ANK2: variants seen among roughly 807,000 people sequenced by gnomAD.
ANK2 encodes ankyrin 2.
Under a neutral mutation model 360.5 loss-of-function variants are expected in ANK2, and 83 were observed. That is an observed-to-expected ratio of 0.23 (90% CI 0.19 to 0.28). The LOEUF is 0.28. Among genes scored for constraint, ANK2 ranks in the 10% least tolerant of loss-of-function variants. The pLI is 1.00. For missense variants in ANK2, 4,201 were observed against 4,795.7 expected (o/e 0.88, Z 3.66); for synonymous variants, 1,740 against 1,759.5 (o/e 0.99, Z 0.28).
At chr4:113,113,325 G>A (rs1009860248) in intron 1 of ANK2, among the ~76,000 whole-genome samples, 28 of 152,148 alleles carry the variant, frequency 1.8e-4, no homozygotes, top group African/African-American at 6.5e-4. Context: ...CTCCTGGGCA[G>A]GGCTAGGGAA....
At position 113,278,379 on chromosome 4, in the gene ANK2, A is replaced by G. The variant is rs566482218; in HGVS notation, c.1783-81A>G. The stretch of plus-strand genomic sequence containing the variant: ...ATTCATTAACATGAATTTAATCAAT[A>G]TCAGTTTCCAGGCATCCTGGTAGCT... On this transcript the variant is annotated intron_variant, in intron 16 of 45. Coordinates refer to ENST00000357077, the MANE Select transcript of ANK2 (RefSeq NM_001148.6). The G allele has an allele frequency of 7.1e-6, 8 of 1,129,634 alleles. No individual in the cohort carries two copies. In the Admixed American group the frequency reaches 1.4e-4, roughly 19 times the overall value. The allele number at this position is 1,129,634 out of a possible 1,614,324, so 70.0% of individuals were successfully genotyped here. A position where few individuals can be genotyped will look rare whatever the true frequency, so the allele number is the denominator to read the frequency against.
chr4:112,748,041 A>G, the ANK2 span, among the ~76,000 whole-genome samples: 1 of 152,174 alleles, frequency 6.6e-6, no homozygotes, highest in Admixed American at 6.5e-5. Context: ...ATGTAGTAAA[A>G]GCTGTTTTCA....
intron 1 of ANK2, among the ~76,000 whole-genome samples, chr4:113,149,874 CAAAAAAAAAAAAAAAA>C (rs34667216): frequency 3.2e-5 from 1 of 31,402 alleles, no homozygotes; most frequent in Non-Finnish European, 5.3e-5. Flanking sequence ...GACCCTGCCT[CAAAAAAAAAAAAAAAA>C]AAAAAAAAAA....
chr4:112,996,519 G>A (rs2048568841), intron 2 of ANK2, among the ~76,000 whole-genome samples: 1 of 151,888 alleles, frequency 6.6e-6, no homozygotes, highest in Non-Finnish European at 1.5e-5. Context: ...ACCTTTTATT[G>A]TACCATTCAC....
chr4:113,336,037 C>A lies in ANK2; in HGVS notation c.3571C>A (p.Arg1191=), dbSNP rs771751897. The A allele has an allele frequency of 6.2e-7, 1 of 1,613,972 alleles. No individual in the cohort carries two copies. Among genetic ancestry groups the A allele is most frequent in the South Asian group, 1.1e-5 (1 of 91,076 alleles). ...CTTCCCAGAGGGGGCACTCACCAAGCGGATCCGCGTAGGCCTGCAGGTATG... is the reference window on the plus strand; with the variant it reads ...CTTCCCAGAGGGGGCACTCACCAAGAGGATCCGCGTAGGCCTGCAGGTATG... ...AVFPEGALTK[R]IRVGLQAQPM... Residue 1191 remains arginine (R), a synonymous_variant, in exon 30 of 46, where the codon CGG becomes AGG. Coordinates refer to ENST00000357077, the MANE Select transcript of ANK2 (RefSeq NM_001148.6).
the ANK2 span, among the ~76,000 whole-genome samples, chr4:112,734,573 T>C: frequency 1.3e-5 from 2 of 152,302 alleles, no homozygotes; most frequent in South Asian, 2.1e-4. Flanking sequence ...GGAATCCCCA[T>C]GTTGGTGAGA....
intron 1 of ANK2, among the ~76,000 whole-genome samples, chr4:112,838,810 C>T (rs546299873): frequency 2.6e-4 from 40 of 152,204 alleles, no homozygotes; most frequent in South Asian, 1.0e-3. Context: ...CAGAGGTTGC[C>T]GTGAGTCGAG....
intron 4 of ANK2, among the ~76,000 whole-genome samples, chr4:113,202,266 T>C (rs968475011): frequency 6.6e-6 from 1 of 152,190 alleles, no homozygotes. Context: ...TGAGGGCTGA[T>C]TTGAGTTCCT....
chr4:113,327,197 GTCTT>G (rs938056271), intron 26 of ANK2, among the ~76,000 whole-genome samples: 45 of 151,976 alleles, frequency 3.0e-4, no homozygotes, highest in African/African-American at 1.1e-3. Flanking sequence ...CCCATCTTTG[GTCTT>G]TCTTCATATA....
Position 113,335,943 on chromosome 4 carries a change from G to T in ANK2, c.3477G>T (p.Gln1159His), listed in dbSNP as rs2153958404. The T allele has an allele frequency of 6.2e-7, 1 of 1,614,134 alleles. No homozygotes were observed. ...TTGCAGTGGTGTCTCGTATCAAACA[G>T]GACAGCAATCTGATTGGCCCAGAAG... is the stretch of plus-strand genomic sequence containing the variant. ...QYFAVVSRIK[Q>H]DSNLIGPEGG... The change falls in exon 30 of 46, where the codon CAG (glutamine) becomes CAT (histidine). Residue 1159 changes from glutamine to histidine, a missense_variant. This residue lies in a region of ANK2 where 1,268 missense variants were observed against 1,650.8 expected (regional missense o/e 0.77). Transcript: ENST00000357077.
In ANK2 at chr4:113,365,244, G is replaced by A. The variant is rs937893101; in HGVS notation, c.11032+62G>A. 27 of 1,558,938 alleles carry A rather than the reference G, an allele frequency of 1.7e-5. No individual in the cohort carries two copies. In the African/African-American group the frequency reaches 2.5e-4, roughly 14 times the overall value. ...GTGTGTGTGTGTGTTGTGTCTGTGT[G>A]TGGTTAATTGAGGCACTGGACCTAC... On this transcript the variant is annotated intron_variant, in intron 41 of 45. Transcript: ENST00000357077.
At chr4:113,117,699 T>C (rs1204085979) in intron 1 of ANK2, among the ~76,000 whole-genome samples, 1 of 152,186 alleles carries the variant, frequency 6.6e-6, no homozygotes, top group Non-Finnish European at 1.5e-5. Context: ...AGCTAGGTGC[T>C]TTATCTCTTC....
chr4:113,146,898 G>A (rs1395768722), intron 1 of ANK2, among the ~76,000 whole-genome samples: 2 of 152,008 alleles, frequency 1.3e-5, no homozygotes, highest in East Asian at 3.9e-4. Flanking sequence ...TACTTGTTAT[G>A]TACTTGCCTG....
At chr4:112,914,142 CCTGT>C (rs2088826524) in intron 2 of ANK2, among the ~76,000 whole-genome samples, 1 of 152,156 alleles carries the variant, frequency 6.6e-6, no homozygotes, top group African/African-American at 2.4e-5. Flanking sequence ...TTCAAATCCA[CCTGT>C]CTGACTCCAA....
At chr4:113,314,855 C>A (rs904820666) in intron 24 of ANK2, among the ~76,000 whole-genome samples, 9 of 152,078 alleles carry the variant, frequency 5.9e-5, no homozygotes, top group African/African-American at 2.2e-4. Context: ...GATTAAACAA[C>A]CAATTAGTAT....
the ANK2 span, among the ~76,000 whole-genome samples, chr4:112,787,452 A>G: frequency 6.6e-6 from 1 of 152,204 alleles, no homozygotes; most frequent in East Asian, 1.9e-4. Flanking sequence ...TATTATAAAT[A>G]CCCAGGACCC....
At chr4:113,352,489 G>A (rs2095474225) in intron 37 of ANK2, among the ~76,000 whole-genome samples, 1 of 152,100 alleles carries the variant, frequency 6.6e-6, no homozygotes, top group African/African-American at 2.4e-5. Context: ...TATATTGGTA[G>A]AACTAAACAT....
intron 20 of ANK2, among the ~76,000 whole-genome samples, chr4:113,291,658 C>T (rs2067652473): frequency 6.6e-6 from 1 of 152,092 alleles, no homozygotes; most frequent in Non-Finnish European, 1.5e-5. Flanking sequence ...AAGGGCCACT[C>T]AGAACTTAGA....
intron 2 of ANK2, among the ~76,000 whole-genome samples, chr4:113,036,642 G>C (rs536951855): frequency 6.0e-4 from 91 of 151,824 alleles, no homozygotes; most frequent in African/African-American, 2.1e-3. Flanking sequence ...GACACAAAGG[G>C]CAAATTCACA....
Sources: allele counts gnomAD v4.1 joint callset (sites outside exome capture counted in the v4.1 genomes callset), GRCh38; gene constraint gnomAD v4.1.1; regional missense constraint gnomAD v4.1.1; transcripts MANE v1.5; gene names NCBI Gene and HGNC (gene_info 2026-07-23, HGNC 2026-07-21).